CACNA1D: variants seen among roughly 807,000 people sequenced by gnomAD.
CACNA1D encodes the protein voltage-dependent L-type calcium channel subunit alpha-1D.
CACNA1D carries 55 observed loss-of-function variants against 257.1 expected under a neutral mutation model. That is an observed-to-expected ratio of 0.21 (90% CI 0.17 to 0.27). The LOEUF is 0.27. Among genes scored for constraint, CACNA1D ranks in the 10% least tolerant of loss-of-function variants. CACNA1D has a pLI of 1.00. For missense variants in CACNA1D, 1,876 were observed against 2,784.0 expected, an observed-to-expected ratio of 0.67 and a Z score of 7.34; for synonymous variants, 980 against 1,014.9, an observed-to-expected ratio of 0.97 and a Z score of 0.65.
At chr3:53,526,434 G>A (rs9311503) in intron 3 of CACNA1D, among the ~76,000 whole-genome samples, 14,825 of 146,540 alleles carry the variant, frequency 0.1, 2,124 homozygotes, top group African/African-American at 0.31. Context: ...GTTACCATGT[G>A]GTTTTAGCTG....
chr3:53,662,111 G>C (rs35020256), intron 5 of CACNA1D, among the ~76,000 whole-genome samples: 7,070 of 152,268 alleles, frequency 0.046, 242 homozygotes, highest in Non-Finnish European at 0.069. Context: ...AAATGTCCAG[G>C]AATGTTTGAC....
chr3:53,718,241 C>A, intron 9 of CACNA1D, 60 bp from the exon 10 acceptor site: 1 of 1,467,298 alleles, frequency 6.8e-7, no homozygotes, highest in Non-Finnish European at 9.5e-7. Context: ...CCCACCTGGC[C>A]TGCCTCCCAG....
intron 40 of CACNA1D, chr3:53,799,792 C>G: frequency 4.0e-6 from 1 of 252,130 alleles, no homozygotes; most frequent in Non-Finnish European, 7.8e-6. Flanking sequence ...GGCACCTACA[C>G]CTAGGCTTCC....
intron 40 of CACNA1D, chr3:53,796,059 G>A (rs1016422931): frequency 2.5e-5 from 6 of 238,664 alleles, no homozygotes; most frequent in East Asian, 9.3e-5. Context: ...GTGTGCCCAC[G>A]TGTGATGTGC....
At chr3:53,571,937 T>G (rs764748094) in intron 3 of CACNA1D, among the ~76,000 whole-genome samples, 10 of 152,162 alleles carry the variant, frequency 6.6e-5, no homozygotes, top group Non-Finnish European at 5.9e-5. Flanking sequence ...CTTCTGACCC[T>G]CAGCGATTGG....
rs532954240 is a variant in CACNA1D at position 53,636,803 on chromosome 3, A to G, written c.484-13976A>G. 7.9e-4 allele frequency among the ~76,000 whole-genome samples: 120 copies of G among 152,354 alleles called. 1 individual carries two copies. The highest frequency in any genetic ancestry group is 3.5e-3 in the South Asian group (17 of 4,832). ...GGAATTCCATGTTATTCTACTTCCT[A>G]TAATTGATGCTTAATACCTATTGTC... On this transcript the variant is annotated intron_variant, in intron 3 of 47. Transcript: ENST00000350061.
chr3:53,761,594 C>T (rs550533172), intron 29 of CACNA1D, among the ~76,000 whole-genome samples: 1 of 152,328 alleles, frequency 6.6e-6, no homozygotes, highest in South Asian at 2.1e-4. Context: ...TGACAGTGCT[C>T]TTTAAGTGGG....
At chr3:53,732,733 A>T (rs2095010551) in intron 18 of CACNA1D, 82 bp from the exon 19 acceptor site, 1 of 1,366,694 alleles carries the variant, frequency 7.3e-7, no homozygotes, top group East Asian at 2.3e-5. Context: ...GTTTAAGCCA[A>T]ATTTGCATGT....
At chr3:53,778,253 A>C (rs1200934269) in intron 37 of CACNA1D, among the ~76,000 whole-genome samples, 1 of 152,044 alleles carries the variant, frequency 6.6e-6, no homozygotes, top group Non-Finnish European at 1.5e-5. Context: ...TTCCAAGAAC[A>C]GTGTGGGATC....
At chr3:53,622,106 G>C (rs1455566232) in intron 3 of CACNA1D, among the ~76,000 whole-genome samples, 1 of 151,744 alleles carries the variant, frequency 6.6e-6, no homozygotes, top group South Asian at 2.1e-4. Flanking sequence ...GGAGTGCAGT[G>C]ACACGATAAT....
rs200312541 is a variant in CACNA1D at position 53,722,362 on chromosome 3, C to T, written c.1554C>T (p.Ala518=). 129 of 1,614,072 alleles carry T rather than the reference C, an allele frequency of 8.0e-5. No homozygotes were observed. The highest frequency in any genetic ancestry group is 1.0e-4 in the Non-Finnish European group (121 of 1,180,040). The change falls in exon 12 of 48, where the codon GCC becomes GCT. Residue 518 remains alanine (A), a synonymous_variant. Transcript: ENST00000350061. ...WNRFNRRRCR[A]AVKSVTFYWL... ...GATTCAATCGCAGAAGATGTAGGGC[C>T]GCCGTGAAGTCTGTCACGTTTTACT...
At chr3:53,530,592 G>T (rs1164267425) in intron 3 of CACNA1D, among the ~76,000 whole-genome samples, 2 of 152,134 alleles carry the variant, frequency 1.3e-5, no homozygotes, top group Admixed American at 1.3e-4. Context: ...GAAGCACCTG[G>T]TGACATCTGC....
chr3:53,594,130 G>A (rs918368908), intron 3 of CACNA1D, among the ~76,000 whole-genome samples: 1 of 152,220 alleles, frequency 6.6e-6, no homozygotes, highest in Non-Finnish European at 1.5e-5. Flanking sequence ...AATGGAATGG[G>A]AGACGCCCTT....
chr3:53,636,168 C>G, intron 3 of CACNA1D, among the ~76,000 whole-genome samples: 1 of 152,222 alleles, frequency 6.6e-6, no homozygotes, highest in South Asian at 2.1e-4. Flanking sequence ...AACTGGTGTC[C>G]AGGGGTGGCT....
At chr3:53,682,556 T>TAA (rs56756710) in intron 8 of CACNA1D, among the ~76,000 whole-genome samples, 6 of 144,104 alleles carry the variant, frequency 4.2e-5, no homozygotes, top group Non-Finnish European at 7.6e-5. Flanking sequence ...GACCCTGTCT[T>TAA]AAAAAAAAAA....
At chr3:53,533,829 A>C (rs1244793515) in intron 3 of CACNA1D, among the ~76,000 whole-genome samples, 1 of 152,236 alleles carries the variant, frequency 6.6e-6, no homozygotes, top group African/African-American at 2.4e-5. Context: ...TTTACTTGAC[A>C]AACACTTATT....
rs143759133 is a variant in CACNA1D at position 53,703,706 on chromosome 3, G to C, written c.1390+896G>C. ...GACCCGAGGCCGGCCCTACGTTGTA[G>C]AAGATGGCCGAGCAAGTCCCTGCTT... On this transcript the variant is annotated intron_variant, in intron 9 of 47. Coordinates refer to ENST00000350061, the MANE Select transcript of CACNA1D (RefSeq NM_001128840.3). 5.1e-3 allele frequency among the ~76,000 whole-genome samples: 779 copies of C among 152,326 alleles called. 7 individuals are homozygous for C. The highest frequency in any genetic ancestry group is 0.018 in the African/African-American group (746 of 41,558).
chr3:53,513,604 A>G (rs930574925), intron 3 of CACNA1D, among the ~76,000 whole-genome samples: 4 of 152,184 alleles, frequency 2.6e-5, no homozygotes, highest in African/African-American at 9.7e-5. Context: ...ACTTTATTCC[A>G]TCCTAGGTGA....
rs1040133641 is a variant in CACNA1D, at chr3:53,783,263, G to A, written c.4792+1596G>A. The stretch of plus-strand genomic sequence containing the variant: ...TCCTCGTGAAATGCCCTCGGAGGGT[G>A]TCATTTGCATTAGTGTGAAACTTCA... On this transcript the variant is annotated intron_variant, in intron 39 of 47. Transcript: ENST00000350061. Among the ~76,000 whole-genome samples the A allele has an allele frequency of 2.0e-5, 3 of 152,342 alleles. No homozygotes were observed. The East Asian group carries it at 5.8e-4, about 29-fold the overall frequency.
Sources: gnomAD v4.1 joint callset for allele counts (sites outside exome capture counted in the v4.1 genomes callset) on GRCh38, gnomAD v4.1.1 for gene constraint, MANE v1.5 for transcripts, NCBI Gene and HGNC (gene_info 2026-07-23, HGNC 2026-07-21) for gene names.